The following CAST variants were observed in gnomAD, a reference collection of about 807,000 sequenced individuals.
CAST encodes the protein MIR583 host.
Under a neutral mutation model 119.6 loss-of-function variants are expected in CAST, and 76 were observed. The ratio of observed to expected loss-of-function variants is 0.64; its 90% CI spans 0.53 to 0.77. The LOEUF (loss-of-function observed/expected upper bound fraction) is 0.77, where lower values mean the gene tolerates loss of function less well. Ranked by LOEUF, CAST falls within the 30% of genes least tolerant of loss-of-function variation. The pLI, the probability that CAST is intolerant of heterozygous loss-of-function variation, is 0.00. For synonymous variants in CAST, 319 were observed against 331.6 expected, an observed-to-expected ratio of 0.96 and a Z score of 0.41; for missense variants, 953 against 946.5, an observed-to-expected ratio of 1.01 and a Z score of -0.09.
the CAST span, among the ~76,000 whole-genome samples, chr5:96,383,815 A>G: frequency 3.3e-5 from 5 of 152,190 alleles, no homozygotes; most frequent in Non-Finnish European, 1.5e-5. Flanking sequence ...ACATCACAGT[A>G]TGAATGGAGA....
At chr5:96,264,822 A>T in the CAST span, among the ~76,000 whole-genome samples, 106 of 152,074 alleles carry the variant, frequency 7.0e-4, no homozygotes, top group East Asian at 0.02. Flanking sequence ...CTTTCATTTG[A>T]CTCCATGTAT....
the CAST span, among the ~76,000 whole-genome samples, chr5:96,030,096 T>G: frequency 1.3e-5 from 2 of 152,096 alleles, no homozygotes; most frequent in Non-Finnish European, 2.9e-5. Context: ...TAGTATTTTA[T>G]AAATTATTGA....
chr5:96,712,854 T>C (rs1014751849), intron 3 of CAST, among the ~76,000 whole-genome samples: 1 of 152,156 alleles, frequency 6.6e-6, no homozygotes, highest in Non-Finnish European at 1.5e-5. Context: ...AAGAATATTC[T>C]TCAGTGAAAG....
At chr5:96,634,762 G>A (rs12652311) in intron 1 of CAST, among the ~76,000 whole-genome samples, 34,861 of 152,038 alleles carry the variant, frequency 0.23, 4,305 homozygotes, top group East Asian at 0.42. Flanking sequence ...TGCATTTTTA[G>A]TATTTTTAAT....
chr5:96,369,763 A>G, the CAST span, among the ~76,000 whole-genome samples: 8 of 152,196 alleles, frequency 5.3e-5, no homozygotes, highest in Admixed American at 3.3e-4. Flanking sequence ...CCTCCCCTCA[A>G]GTGACTCTTT....
intron 1 of CAST, among the ~76,000 whole-genome samples, chr5:96,664,422 C>T (rs1361427781): frequency 6.6e-6 from 1 of 151,784 alleles, no homozygotes; most frequent in Non-Finnish European, 1.5e-5. Context: ...TATGCACACA[C>T]ACACACACAT....
At chr5:96,748,001 G>T (rs1271997303) in intron 18 of CAST, among the ~76,000 whole-genome samples, 3 of 152,124 alleles carry the variant, frequency 2.0e-5, no homozygotes, top group Non-Finnish European at 4.4e-5. Flanking sequence ...TGAATCACAT[G>T]CCCTTCTATC....
At chr5:96,616,633 A>C (rs763557960) in intron 1 of CAST, among the ~76,000 whole-genome samples, 1 of 152,122 alleles carries the variant, frequency 6.6e-6, no homozygotes, top group Non-Finnish European at 1.5e-5. Flanking sequence ...GTACTTCTCC[A>C]AAATCATGTG....
chr5:96,601,019 C>T (rs1255917490), intron 1 of CAST, among the ~76,000 whole-genome samples: 1 of 152,076 alleles, frequency 6.6e-6, no homozygotes, highest in Non-Finnish European at 1.5e-5. Flanking sequence ...CTCCCATCTC[C>T]CCCTCCGCTA....
Position 96,695,799 on chromosome 5 carries a change from T to G in CAST, c.139-37T>G, listed in dbSNP as rs772131593. ...TGCATTTGACTACATTGGTAAGGTGTTTTCCCCCATTGAAACTAATATTTT... is the reference window on the plus strand; with the variant it reads ...TGCATTTGACTACATTGGTAAGGTGGTTTCCCCCATTGAAACTAATATTTT... On this transcript the variant is annotated intron_variant, in intron 2 of 31. Coordinates refer to ENST00000675179, the MANE Select transcript of CAST (RefSeq NM_001750.7). The G allele has an allele frequency of 6.3e-6, 9 of 1,422,020 alleles. No individual in the cohort carries two copies. The South Asian group carries it at 1.1e-4, about 17-fold the overall frequency. 88.1% of individuals were successfully genotyped at this position (1,422,020 alleles called of 1,614,324 possible). A position where few individuals can be genotyped will look rare whatever the true frequency, so the allele number is the denominator to read the frequency against.
chr5:96,684,218 G>C (rs1751782430), intron 2 of CAST, among the ~76,000 whole-genome samples: 1 of 152,196 alleles, frequency 6.6e-6, no homozygotes, highest in African/African-American at 2.4e-5. Flanking sequence ...AGAACAATCA[G>C]ACCATCCATA....
At chr5:96,624,044 C>T (rs963031840) in intron 1 of CAST, among the ~76,000 whole-genome samples, 16 of 152,106 alleles carry the variant, frequency 1.1e-4, no homozygotes, top group Non-Finnish European at 1.8e-4. Flanking sequence ...TTATTTTGGC[C>T]AGATCTAAGT....
chr5:96,618,700 G>A (rs971032644), intron 1 of CAST, among the ~76,000 whole-genome samples: 9 of 151,520 alleles, frequency 5.9e-5, no homozygotes, highest in Non-Finnish European at 1.0e-4. Context: ...GCTCACTGAC[G>A]CCACCCTCAA....
intron 1 of CAST, among the ~76,000 whole-genome samples, chr5:96,591,428 G>T (rs1392293959): frequency 6.6e-6 from 1 of 152,166 alleles, no homozygotes; most frequent in East Asian, 1.9e-4. Flanking sequence ...AGTCGAGGTG[G>T]TCTTTTTCTT....
the CAST span, among the ~76,000 whole-genome samples, chr5:96,359,939 G>T: frequency 6.6e-6 from 1 of 152,118 alleles, no homozygotes; most frequent in Admixed American, 6.5e-5. Context: ...TTCCAACTTG[G>T]TTCCATTCTC....
chr5:96,394,758 A>T, the CAST span: 4 of 958,590 alleles, frequency 4.2e-6, no homozygotes, highest in Non-Finnish European at 6.9e-6. Context: ...TATCCTCCCC[A>T]TCCATGTTTG....
chr5:96,666,359 C>T (rs1412242079), intron 1 of CAST, among the ~76,000 whole-genome samples: 1 of 152,050 alleles, frequency 6.6e-6, no homozygotes, highest in African/African-American at 2.4e-5. Flanking sequence ...TTAATTTGGC[C>T]CACACCAGTC....
chr5:96,689,219 A>G (rs1268790917), intron 2 of CAST, among the ~76,000 whole-genome samples: 1 of 152,228 alleles, frequency 6.6e-6, no homozygotes, highest in Non-Finnish European at 1.5e-5. Flanking sequence ...ATACAATTTA[A>G]AGAGGTTTAT....
chr5:96,158,687 G>A, the CAST span, among the ~76,000 whole-genome samples: 1 of 152,204 alleles, frequency 6.6e-6, no homozygotes, highest in Non-Finnish European at 1.5e-5. Context: ...GGTGCTTTAT[G>A]TTTGTCATCT....
Sources: allele counts gnomAD v4.1 joint callset (sites outside exome capture counted in the v4.1 genomes callset), GRCh38; gene constraint gnomAD v4.1.1; transcripts MANE v1.5; gene names NCBI Gene and HGNC (gene_info 2026-07-23, HGNC 2026-07-21).